The following FBXO36 variants were observed in gnomAD, a reference collection of about 807,000 sequenced individuals.
FBXO36 encodes the protein F-box protein 36.
FBXO36 carries 18 observed loss-of-function variants against 17.0 expected under a neutral mutation model. The observed-to-expected ratio is 1.06, with a 90% CI of 0.73 to 1.57. The LOEUF (loss-of-function observed/expected upper bound fraction) is 1.57. Ranked by LOEUF, FBXO36 falls within the 40% of genes most tolerant of loss-of-function variation. The probability of loss-of-function intolerance (pLI) is 0.00; values close to 1 mark genes in which losing one functional copy is unlikely to be tolerated. For synonymous variants in FBXO36, 83 were observed against 85.3 expected, an observed-to-expected ratio of 0.97 and a Z score of 0.15; for missense variants, 229 against 221.9, an observed-to-expected ratio of 1.03 and a Z score of -0.20.
chr2:229,970,361 A>AG (rs2077174678), intron 1 of FBXO36, among the ~76,000 whole-genome samples: 1 of 152,196 alleles, frequency 6.6e-6, no homozygotes, highest in Non-Finnish European at 1.5e-5. Flanking sequence ...CTCTATTTAA[A>AG]GAAAAAAATG....
chr2:229,922,730 C>A, intron 1 of FBXO36, 121 bp downstream of exon 1: 2 of 984,274 alleles, frequency 2.0e-6, no homozygotes, highest in Non-Finnish European at 3.0e-6. Flanking sequence ...CCAGTCCCGG[C>A]TCCGCGCCGG....
intron 1 of FBXO36, among the ~76,000 whole-genome samples, chr2:229,961,277 C>A (rs921490838): frequency 6.6e-6 from 1 of 152,118 alleles, no homozygotes; most frequent in Non-Finnish European, 1.5e-5. Context: ...TATACAAATA[C>A]CATGCTAATT....
At chr2:229,995,405 G>A (rs527350979) in intron 2 of FBXO36, among the ~76,000 whole-genome samples, 1 of 151,942 alleles carries the variant, frequency 6.6e-6, no homozygotes, top group African/African-American at 2.4e-5. Context: ...AAGTGAACAG[G>A]TACAGAAAAT....
intron 1 of FBXO36, among the ~76,000 whole-genome samples, chr2:229,929,853 T>C (rs531900678): frequency 6.6e-6 from 1 of 152,288 alleles, no homozygotes; most frequent in South Asian, 2.1e-4. Flanking sequence ...AGTAAGACTT[T>C]GTCTCAAAAA....
At chr2:230,001,179 G>A (rs1430956317) in intron 3 of FBXO36, among the ~76,000 whole-genome samples, 2 of 151,890 alleles carry the variant, frequency 1.3e-5, no homozygotes, top group Non-Finnish European at 2.9e-5. Flanking sequence ...TTTCTTATTT[G>A]CACACAGGGA....
rs559153345 is a variant in FBXO36, at chr2:229,950,340, C to T, written c.97-25901C>T. On this transcript the variant is annotated intron_variant, in intron 1 of 3. Transcript: ENST00000283946. ...ACTCAGGAAGCTGAGGCAGGAGAAT[C>T]GCTTGAACCCAGGAGGCAGAGGTTG... 4.6e-5 allele frequency among the ~76,000 whole-genome samples: 7 copies of T among 152,058 alleles called. No individual in the cohort carries two copies. In the South Asian group the frequency reaches 1.2e-3, roughly 27 times the overall value.
chr2:229,996,341 G>A (rs2077327273), intron 2 of FBXO36, among the ~76,000 whole-genome samples: 1 of 152,092 alleles, frequency 6.6e-6, no homozygotes, highest in Non-Finnish European at 1.5e-5. Context: ...TTAGACTAAT[G>A]GACAGTAGCA....
chr2:229,922,603 G>A lies in FBXO36; in HGVS notation c.90G>A (p.Arg30=). Residue 30 remains arginine (R), a synonymous_variant, in exon 1 of 4, where the codon CGG becomes CGA. Coordinates refer to ENST00000283946, the MANE Select transcript of FBXO36 (RefSeq NM_174899.5). The part of the protein sequence containing the change: ...SKDYYQLLVT[R]SQVIFRWWKI... ...ACTATTACCAGTTACTGGTCACCCG[G>A]TCTCAGGCAAGTGCGAGCCGCGGTT... 1 of 1,613,956 alleles carries A rather than the reference G, an allele frequency of 6.2e-7. No individual in the cohort carries two copies. Among genetic ancestry groups the A allele is most frequent in the African/African-American group, 1.3e-5 (1 of 75,042 alleles).
At chr2:230,005,513 G>A (rs540581289) in intron 3 of FBXO36, among the ~76,000 whole-genome samples, 2 of 152,198 alleles carry the variant, frequency 1.3e-5, no homozygotes, top group Admixed American at 6.5e-5. Context: ...ATTGCTAAGT[G>A]TAACTATTTA....
At chr2:229,954,234 A>ATTTTTTTTTTTTTT (rs60093081) in intron 1 of FBXO36, among the ~76,000 whole-genome samples, 714 of 71,348 alleles carry the variant, frequency 0.01, 179 homozygotes, top group East Asian at 0.017. Flanking sequence ...AACCCTTTGG[A>ATTTTTTTTTTTTTT]TTTTTTTTTT....
intron 2 of FBXO36, among the ~76,000 whole-genome samples, chr2:229,978,591 A>T (rs978049101): frequency 5.9e-5 from 9 of 151,838 alleles, no homozygotes; most frequent in Admixed American, 2.0e-4. Flanking sequence ...CCATCTCAAA[A>T]AATAATAATA....
At chr2:229,923,493 T>C (rs906553808) in intron 1 of FBXO36, among the ~76,000 whole-genome samples, 6 of 152,230 alleles carry the variant, frequency 3.9e-5, no homozygotes, top group African/African-American at 1.4e-4. Flanking sequence ...TAGAAGTTTG[T>C]ATATATTTGT....
At chr2:229,929,565 CAAAAAA>C (rs909062802) in intron 1 of FBXO36, among the ~76,000 whole-genome samples, 3 of 142,440 alleles carry the variant, frequency 2.1e-5, no homozygotes, top group Non-Finnish European at 4.6e-5. Flanking sequence ...GACTCTGTTT[CAAAAAA>C]AAAAGAAAAA....
Position 229,922,593 on chromosome 2 carries a change from T to A in FBXO36, c.80T>A (p.Leu27Gln), listed in dbSNP as rs1403023531. 6.2e-7 allele frequency: 1 copy of A among 1,614,072 alleles called. No homozygotes were observed. ...PPPSKDYYQLLVTRSQVIFRW... is the reference protein window; with the variant it reads ...PPPSKDYYQLQVTRSQVIFRW... ...CCTAGCAAAGACTATTACCAGTTAC[T>A]GGTCACCCGGTCTCAGGCAAGTGCG... Residue 27 changes from leucine (L) to glutamine (Q), a missense_variant, in exon 1 of 4, where the codon CTG becomes CAG. By Grantham distance (113) the Leu-to-Gln change is moderately radical (BLOSUM62 -2). Transcript: ENST00000283946.
At chr2:230,008,365 C>T (rs2077397942) in intron 3 of FBXO36, among the ~76,000 whole-genome samples, 2 of 152,094 alleles carry the variant, frequency 1.3e-5, no homozygotes, top group South Asian at 2.1e-4. Context: ...CACCGGGGGG[C>T]GCTAAATCCA....
intron 1 of FBXO36, among the ~76,000 whole-genome samples, chr2:229,949,185 T>G (rs1359458970): frequency 6.6e-6 from 1 of 152,192 alleles, no homozygotes; most frequent in East Asian, 1.9e-4. Flanking sequence ...GCCACCCTTT[T>G]GGATGTTGTC....
At chr2:229,981,591 ACT>A (rs2077240060) in intron 2 of FBXO36, among the ~76,000 whole-genome samples, 1 of 151,370 alleles carries the variant, frequency 6.6e-6, no homozygotes, top group South Asian at 2.1e-4. Context: ...CTGCCCAGTT[ACT>A]CAGGAGGCTG....
intron 1 of FBXO36, among the ~76,000 whole-genome samples, chr2:229,949,588 G>T (rs987645312): frequency 2.2e-4 from 33 of 150,796 alleles, no homozygotes; most frequent in African/African-American, 8.0e-4. Flanking sequence ...TAAGTATATA[G>T]ATGCTGAGAA....
chr2:229,924,760 C>T (rs1484460905), intron 1 of FBXO36, among the ~76,000 whole-genome samples: 5 of 151,514 alleles, frequency 3.3e-5, no homozygotes, highest in Admixed American at 3.3e-4. Flanking sequence ...ATGCCTTCCT[C>T]TAACTACTCT....
Sources: gnomAD v4.1 joint callset for allele counts (sites outside exome capture counted in the v4.1 genomes callset) on GRCh38, gnomAD v4.1.1 for gene constraint, MANE v1.5 for transcripts, NCBI Gene and HGNC (gene_info 2026-07-23, HGNC 2026-07-21) for gene names.